Variants in NRG3 observed in about 807,000 individuals in gnomAD.
NRG3 encodes the protein neuregulin 3.
A neutral mutation model predicts 66.9 loss-of-function variants in NRG3; 31 were observed. The ratio of observed to expected loss-of-function variants is 0.46; its 90% CI spans 0.35 to 0.63. The LOEUF is 0.63. Among genes scored for constraint, NRG3 ranks in the 20% least tolerant of loss-of-function variants. NRG3 has a pLI of 0.00. For synonymous variants in NRG3, 393 were observed against 359.4 expected (o/e 1.09, Z -1.06); for missense variants, 910 against 878.9 (o/e 1.04, Z -0.45).
chr10:82,954,052 A>G (rs950028416), intron 5 of NRG3, among the ~76,000 whole-genome samples: 22 of 151,736 alleles, frequency 1.4e-4, no homozygotes, highest in Admixed American at 1.4e-3. Flanking sequence ...GTTAACACCC[A>G]TGGTTTTCCA....
At chr10:82,469,465 GGTGGTGGTGGTGGTGGTCATGGTGGC>G (rs1351618424) in intron 2 of NRG3, among the ~76,000 whole-genome samples, 5 of 150,650 alleles carry the variant, frequency 3.3e-5, no homozygotes, top group African/African-American at 1.2e-4. Context: ...GCCTCTTAGT[GGTGGTGGTGGTGGTGGTCATGGTGGC>G]GTGGTGTTGG....
intron 1 of NRG3, among the ~76,000 whole-genome samples, chr10:82,254,514 C>T (rs2077624163): frequency 6.6e-6 from 1 of 152,162 alleles, no homozygotes; most frequent in South Asian, 2.1e-4. Context: ...GTTTGTAATA[C>T]CATTCATCAA....
At chr10:82,595,985 T>C (rs1351339953) in intron 2 of NRG3, among the ~76,000 whole-genome samples, 1 of 152,184 alleles carries the variant, frequency 6.6e-6, no homozygotes, top group African/African-American at 2.4e-5. Flanking sequence ...TTTATGATTG[T>C]TTCTGGCATA....
At chr10:82,206,263 G>A (rs2075110446) in intron 1 of NRG3, among the ~76,000 whole-genome samples, 2 of 152,122 alleles carry the variant, frequency 1.3e-5, no homozygotes, top group Non-Finnish European at 2.9e-5. Context: ...AAATCTCCAT[G>A]ACCTCCTTTA....
At chr10:82,806,377 A>G (rs1478393999) in intron 3 of NRG3, among the ~76,000 whole-genome samples, 1 of 152,190 alleles carries the variant, frequency 6.6e-6, no homozygotes, top group Non-Finnish European at 1.5e-5. Context: ...AAGTTCTGTG[A>G]TTGCCTTTCT....
intron 2 of NRG3, among the ~76,000 whole-genome samples, chr10:82,447,536 AGTAT>A (rs1467002704): frequency 6.6e-6 from 1 of 152,246 alleles, no homozygotes; most frequent in Non-Finnish European, 1.5e-5. Context: ...TTTCTAAGTC[AGTAT>A]GCTTCCTGAT....
intron 1 of NRG3, among the ~76,000 whole-genome samples, chr10:82,217,317 T>C (rs946354921): frequency 2.0e-5 from 3 of 152,212 alleles, no homozygotes; most frequent in Non-Finnish European, 2.9e-5. Flanking sequence ...GCCATCGCTC[T>C]TAACACACTT....
chr10:82,592,351 A>G (rs2047029889), intron 2 of NRG3, among the ~76,000 whole-genome samples: 1 of 152,112 alleles, frequency 6.6e-6, no homozygotes, highest in Non-Finnish European at 1.5e-5. Flanking sequence ...AATTGAGTAC[A>G]TGTGGGGAGG....
At chr10:82,406,628 T>C (rs1000280288) in intron 2 of NRG3, among the ~76,000 whole-genome samples, 5 of 152,238 alleles carry the variant, frequency 3.3e-5, no homozygotes, top group African/African-American at 1.2e-4. Flanking sequence ...GATTGCCCAA[T>C]TTACAGACAA....
At chr10:82,686,844 A>G (rs921258599) in intron 2 of NRG3, among the ~76,000 whole-genome samples, 7 of 152,198 alleles carry the variant, frequency 4.6e-5, no homozygotes, top group Admixed American at 2.6e-4. Context: ...TGATCAATGC[A>G]TATAGGTTTT....
intron 2 of NRG3, among the ~76,000 whole-genome samples, chr10:82,450,987 C>A (rs1028276850): frequency 6.6e-6 from 1 of 152,208 alleles, no homozygotes; most frequent in African/African-American, 2.4e-5. Flanking sequence ...AAATTAAAAG[C>A]CTTATCATCT....
At chr10:82,690,317 A>G (rs942620269) in intron 2 of NRG3, among the ~76,000 whole-genome samples, 3 of 151,720 alleles carry the variant, frequency 2.0e-5, no homozygotes, top group Non-Finnish European at 4.4e-5. Context: ...TCACAGGAAC[A>G]TAGGGAAATC....
At chr10:82,338,479 G>T (rs183855679) in intron 1 of NRG3, among the ~76,000 whole-genome samples, 60 of 152,222 alleles carry the variant, frequency 3.9e-4, no homozygotes, top group Non-Finnish European at 7.5e-4. Flanking sequence ...ATGCCTTGTT[G>T]CTCCTGGGAG....
chr10:82,762,386 A>G (rs950308686), intron 3 of NRG3, among the ~76,000 whole-genome samples: 4 of 152,206 alleles, frequency 2.6e-5, no homozygotes, highest in African/African-American at 9.6e-5. Flanking sequence ...AAATACTTGA[A>G]AAGTTTACCA....
intron 1 of NRG3, among the ~76,000 whole-genome samples, chr10:82,140,708 C>T (rs1477747945): frequency 2.6e-5 from 4 of 151,774 alleles, no homozygotes; most frequent in Admixed American, 2.6e-4. Context: ...CCAGCCTGGG[C>T]AACGGAAGGA....
At chr10:82,109,312 G>T (rs564100190) in intron 1 of NRG3, among the ~76,000 whole-genome samples, 1 of 152,154 alleles carries the variant, frequency 6.6e-6, no homozygotes, top group Non-Finnish European at 1.5e-5. Context: ...AGCCAAACGG[G>T]ACAATCATCT....
At chr10:82,939,760 C>T (rs1848428182) in intron 4 of NRG3, among the ~76,000 whole-genome samples, 1 of 151,962 alleles carries the variant, frequency 6.6e-6, no homozygotes, top group Admixed American at 6.6e-5. Flanking sequence ...TGAGCCACGG[C>T]GCCCCACCTT....
intron 2 of NRG3, among the ~76,000 whole-genome samples, chr10:82,694,158 G>C (rs2055180739): frequency 1.3e-5 from 2 of 151,816 alleles, no homozygotes; most frequent in African/African-American, 2.4e-5. Flanking sequence ...TAGACACAGA[G>C]CGCTGGTTGG....
At chr10:82,636,203 AT>A (rs2050181726) in intron 2 of NRG3, among the ~76,000 whole-genome samples, 1 of 146,290 alleles carries the variant, frequency 6.8e-6, no homozygotes. Context: ...ATGGTTTTCA[AT>A]ATGTGTGTCT....
Sources: allele counts gnomAD v4.1 joint callset (sites outside exome capture counted in the v4.1 genomes callset), GRCh38; gene constraint gnomAD v4.1.1; transcripts MANE v1.5; gene names NCBI Gene and HGNC (gene_info 2026-07-23, HGNC 2026-07-21).